THSD7B: variants seen among roughly 807,000 people sequenced by gnomAD.
The protein encoded by THSD7B is thrombospondin type-1 domain-containing protein 7B.
In THSD7B, 138 loss-of-function variants were observed where a neutral mutation model predicts 213.6. That is an observed-to-expected ratio of 0.65 (90% CI 0.56 to 0.74). The LOEUF is 0.74. Ranked by LOEUF, THSD7B falls within the 30% of genes least tolerant of loss-of-function variation. THSD7B has a pLI of 0.00. For synonymous variants in THSD7B, 742 were observed against 687.0 expected, an observed-to-expected ratio of 1.08 and a Z score of -1.25; for missense variants, 1,931 against 1,991.5, an observed-to-expected ratio of 0.97 and a Z score of 0.58.
At chr2:137,025,643 G>C (rs1353118179) in intron 2 of THSD7B, among the ~76,000 whole-genome samples, 4 of 152,120 alleles carry the variant, frequency 2.6e-5, no homozygotes, top group African/African-American at 9.7e-5. Context: ...CTATTCCCTA[G>C]AGTCTGAAGT....
At chr2:137,608,362 G>A (rs1197596228) in intron 17 of THSD7B, among the ~76,000 whole-genome samples, 1 of 146,784 alleles carries the variant, frequency 6.8e-6, no homozygotes, top group Admixed American at 6.8e-5. Flanking sequence ...GCTCTGTGGT[G>A]CTTTTTTTTT....
intron 12 of THSD7B, among the ~76,000 whole-genome samples, chr2:137,387,393 C>T (rs974717305): frequency 6.6e-6 from 1 of 152,198 alleles, no homozygotes; most frequent in Non-Finnish European, 1.5e-5. Flanking sequence ...AAATTTCAAA[C>T]AATACCCAAT....
intron 1 of THSD7B, among the ~76,000 whole-genome samples, chr2:136,859,767 A>G (rs2104971223): frequency 6.6e-6 from 1 of 152,328 alleles, no homozygotes; most frequent in Middle Eastern, 3.4e-3. Flanking sequence ...TTTTAAAAAG[A>G]GAAGTAGTAT....
At chr2:137,585,346 C>A (rs936000891) in intron 17 of THSD7B, among the ~76,000 whole-genome samples, 1 of 152,026 alleles carries the variant, frequency 6.6e-6, no homozygotes, top group African/African-American at 2.4e-5. Context: ...TCCTTCAGTT[C>A]TGCTCTGATC....
chr2:137,203,208 A>G (rs1249431300), intron 7 of THSD7B, among the ~76,000 whole-genome samples: 1 of 152,146 alleles, frequency 6.6e-6, no homozygotes, highest in Non-Finnish European at 1.5e-5. Flanking sequence ...CTAGAAAAGT[A>G]AATAATAATT....
At chr2:136,940,367 A>T (rs1347430519) in intron 2 of THSD7B, among the ~76,000 whole-genome samples, 2 of 152,156 alleles carry the variant, frequency 1.3e-5, no homozygotes, top group Non-Finnish European at 2.9e-5. Flanking sequence ...GCTGAATAGT[A>T]TTCCATGGTA....
chr2:137,203,579 A>G (rs891201063), intron 7 of THSD7B, among the ~76,000 whole-genome samples: 2 of 152,046 alleles, frequency 1.3e-5, no homozygotes, highest in African/African-American at 4.8e-5. Context: ...AAGGAAAAAA[A>G]ACCTTTTTTT....
At chr2:136,888,761 A>G (rs1683764458) in intron 2 of THSD7B, among the ~76,000 whole-genome samples, 1 of 152,136 alleles carries the variant, frequency 6.6e-6, no homozygotes, top group Admixed American at 6.5e-5. Context: ...CATAAAATAA[A>G]TTACTCTGCT....
At chr2:137,309,122 A>G (rs1393091070) in intron 12 of THSD7B, among the ~76,000 whole-genome samples, 1 of 152,140 alleles carries the variant, frequency 6.6e-6, no homozygotes, top group Non-Finnish European at 1.5e-5. Flanking sequence ...ATAGCATAGG[A>G]CAGTGCCTCA....
In THSD7B at chr2:137,386,138, T is replaced by A. The variant is rs917785890; in HGVS notation, c.2501-19475T>A. 2.6e-5 allele frequency among the ~76,000 whole-genome samples: 4 copies of A among 152,206 alleles called. No individual in the cohort carries two copies. The East Asian group carries it at 7.7e-4, about 29-fold the overall frequency. ...CACCTTTCATGGTGTTACAACCACCTGGCCAAACTCATGCTGTTTTCAAGG... is the reference window on the plus strand; with the variant it reads ...CACCTTTCATGGTGTTACAACCACCAGGCCAAACTCATGCTGTTTTCAAGG... On this transcript the variant is annotated intron_variant, in intron 12 of 27. Coordinates refer to ENST00000409968, the MANE Select transcript of THSD7B (RefSeq NM_001316349.2).
chr2:137,503,835 G>C (rs1042122310), intron 15 of THSD7B, among the ~76,000 whole-genome samples: 3 of 151,950 alleles, frequency 2.0e-5, no homozygotes, highest in Admixed American at 2.0e-4. Context: ...GACTATCCTG[G>C]CCAACATGGT....
intron 7 of THSD7B, among the ~76,000 whole-genome samples, chr2:137,213,059 A>C (rs1681155995): frequency 6.6e-6 from 1 of 151,358 alleles, no homozygotes. Flanking sequence ...GTTATACAGA[A>C]ACGTTGTCAG....
chr2:137,095,932 G>C (rs909003512), intron 4 of THSD7B, among the ~76,000 whole-genome samples: 2 of 152,068 alleles, frequency 1.3e-5, no homozygotes, highest in East Asian at 3.9e-4. Context: ...AAACTCCTGG[G>C]CTTAAGCGAT....
At chr2:137,511,060 G>C (rs1679953362) in intron 15 of THSD7B, among the ~76,000 whole-genome samples, 2 of 152,118 alleles carry the variant, frequency 1.3e-5, no homozygotes, top group African/African-American at 4.8e-5. Flanking sequence ...ATGAGAGTTG[G>C]AATGCTTAAT....
chr2:136,957,316 G>A (rs1192384541), intron 2 of THSD7B, among the ~76,000 whole-genome samples: 2 of 152,160 alleles, frequency 1.3e-5, no homozygotes, highest in Non-Finnish European at 2.9e-5. Context: ...CTGAGAATGA[G>A]CCAACATGGA....
intron 15 of THSD7B, among the ~76,000 whole-genome samples, chr2:137,506,956 A>G (rs1350205912): frequency 6.6e-6 from 1 of 152,218 alleles, no homozygotes; most frequent in Non-Finnish European, 1.5e-5. Flanking sequence ...ACTAACAATC[A>G]CATAATTGGT....
intron 2 of THSD7B, among the ~76,000 whole-genome samples, chr2:137,005,759 T>A (rs1393688114): frequency 6.6e-6 from 1 of 152,200 alleles, no homozygotes; most frequent in Non-Finnish European, 1.5e-5. Context: ...TGTTGTATTG[T>A]TAGCTGAAAT....
At chr2:137,649,180 G>T (rs1329459756) in intron 21 of THSD7B, among the ~76,000 whole-genome samples, 2 of 152,044 alleles carry the variant, frequency 1.3e-5, no homozygotes, top group Non-Finnish European at 2.9e-5. Context: ...TTAAGTCCTT[G>T]TCACATGGGT....
chr2:137,497,276 A>G (rs1679591781), intron 15 of THSD7B, among the ~76,000 whole-genome samples: 1 of 152,082 alleles, frequency 6.6e-6, no homozygotes, highest in Non-Finnish European at 1.5e-5. Flanking sequence ...AGAAAATAAC[A>G]TTCTGTTGAT....
Sources: allele counts gnomAD v4.1 joint callset (sites outside exome capture counted in the v4.1 genomes callset), GRCh38; gene constraint gnomAD v4.1.1; transcripts MANE v1.5; gene names NCBI Gene and HGNC (gene_info 2026-07-23, HGNC 2026-07-21).